The following CHODL variants were observed in gnomAD, a reference collection of about 807,000 sequenced individuals.
The protein encoded by CHODL is chondrolectin.
CHODL carries 29 observed loss-of-function variants against 34.5 expected under a neutral mutation model. That is an observed-to-expected ratio of 0.84 (90% CI 0.63 to 1.15). CHODL has a LOEUF of 1.15. Ranked by LOEUF, CHODL falls within the 50% of genes most tolerant of loss-of-function variation. The pLI is 0.00. For synonymous variants in CHODL, 125 were observed against 116.1 expected (o/e 1.08, Z -0.49); for missense variants, 332 against 332.5 (o/e 1.00, Z 0.01).
intron 1 of CHODL, among the ~76,000 whole-genome samples, chr21:17,917,984 A>T (rs1477842875): frequency 6.6e-6 from 1 of 152,092 alleles, no homozygotes; most frequent in Non-Finnish European, 1.5e-5. Context: ...ATGTGCTACT[A>T]TATGGGAAAT....
chr21:18,152,880 A>G (rs889529065), intron 2 of CHODL, among the ~76,000 whole-genome samples: 2 of 152,184 alleles, frequency 1.3e-5, no homozygotes, highest in African/African-American at 4.8e-5. Flanking sequence ...AAATCTTCTG[A>G]CAGAAGTTAA....
intron 1 of CHODL, among the ~76,000 whole-genome samples, chr21:17,921,492 G>A (rs2146309613): frequency 6.6e-6 from 1 of 152,302 alleles, no homozygotes; most frequent in South Asian, 2.1e-4. Flanking sequence ...TTTGCTACTT[G>A]GCAGGTGAGA....
At chr21:18,206,334 T>C (rs1450205233) in intron 2 of CHODL, among the ~76,000 whole-genome samples, 2 of 152,220 alleles carry the variant, frequency 1.3e-5, no homozygotes, top group Non-Finnish European at 2.9e-5. Flanking sequence ...GGTACATATA[T>C]ATTTACAATT....
At chr21:18,193,788 A>G (rs376441416) in intron 2 of CHODL, among the ~76,000 whole-genome samples, 10 of 152,144 alleles carry the variant, frequency 6.6e-5, no homozygotes, top group African/African-American at 2.4e-4. Context: ...TCCTCCAGCT[A>G]GTAAACTCAT....
intron 4 of CHODL, among the ~76,000 whole-genome samples, 194 bp from the exon 5 acceptor site, chr21:18,262,597 G>A (rs1163157781): frequency 1.3e-5 from 2 of 152,110 alleles, no homozygotes; most frequent in Admixed American, 6.5e-5. Flanking sequence ...GTGATGCATC[G>A]TTGACTGAAA....
intron 2 of CHODL, among the ~76,000 whole-genome samples, chr21:18,172,474 T>G (rs779440806): frequency 6.6e-6 from 1 of 152,208 alleles, no homozygotes; most frequent in African/African-American, 2.4e-5. Context: ...GTACACCTAT[T>G]TATTTTTTCA....
chr21:18,263,476 G>A (rs73206963), intron 5 of CHODL, among the ~76,000 whole-genome samples: 7,666 of 152,086 alleles, frequency 0.05, 270 homozygotes, highest in Non-Finnish European at 0.075. Flanking sequence ...AGATTTCTGG[G>A]GGAATATTAT....
At chr21:18,176,570 G>A (rs887577786) in intron 2 of CHODL, among the ~76,000 whole-genome samples, 1 of 152,148 alleles carries the variant, frequency 6.6e-6, no homozygotes, top group Non-Finnish European at 1.5e-5. Flanking sequence ...GAGTAGCGAA[G>A]TTTTGTTTGA....
chr21:18,156,288 GTTTTA>G (rs374910119), intron 2 of CHODL, among the ~76,000 whole-genome samples: 5 of 152,100 alleles, frequency 3.3e-5, no homozygotes, highest in African/African-American at 1.2e-4. Flanking sequence ...GGATTTAAAA[GTTTTA>G]TTTTATTTTT....
At chr21:17,979,042 C>T (rs570588414) in intron 1 of CHODL, among the ~76,000 whole-genome samples, 1 of 152,260 alleles carries the variant, frequency 6.6e-6, no homozygotes, top group Non-Finnish European at 1.5e-5. Flanking sequence ...AGAACATTCT[C>T]TGCGTTTAAG....
chr21:18,043,801 T>C (rs569769967), intron 2 of CHODL, among the ~76,000 whole-genome samples: 1 of 152,054 alleles, frequency 6.6e-6, no homozygotes, highest in South Asian at 2.1e-4. Flanking sequence ...GGACCCACAG[T>C]TCCACAGGGC....
intron 1 of CHODL, among the ~76,000 whole-genome samples, chr21:18,247,026 T>C (rs2074149677): frequency 1.3e-5 from 2 of 152,216 alleles, no homozygotes; most frequent in Admixed American, 1.3e-4. Context: ...AATTCAATTG[T>C]CTTTGGTCAT....
At chr21:18,074,452 C>A (rs1355872079) in intron 2 of CHODL, among the ~76,000 whole-genome samples, 1 of 152,012 alleles carries the variant, frequency 6.6e-6, no homozygotes, top group African/African-American at 2.4e-5. Context: ...CTTTTGAAGA[C>A]AAAGTAGTAA....
chr21:18,139,441 G>A (rs1053831155), intron 2 of CHODL, among the ~76,000 whole-genome samples: 1 of 151,416 alleles, frequency 6.6e-6, no homozygotes, highest in Non-Finnish European at 1.5e-5. Context: ...GGAGTTATGT[G>A]TTATAAAATT....
chr21:18,018,193 C>A (rs1245726935), intron 1 of CHODL, among the ~76,000 whole-genome samples: 2 of 152,110 alleles, frequency 1.3e-5, no homozygotes, highest in Non-Finnish European at 2.9e-5. Context: ...GGACTTTGAA[C>A]TTTTGGGTTA....
chr21:18,201,192 T>A (rs974603006), intron 2 of CHODL, among the ~76,000 whole-genome samples: 2 of 152,226 alleles, frequency 1.3e-5, no homozygotes, highest in African/African-American at 2.4e-5. Flanking sequence ...GCTGAGTTTA[T>A]TCCTTAACTA....
Position 18,262,875 on chromosome 21 carries a change from TC to T in CHODL, c.721del (p.Gln241ArgfsTer72). 1 of 1,601,670 alleles carries T rather than the reference TC, an allele frequency of 6.2e-7. No individual in the cohort carries two copies. Among genetic ancestry groups the T allele is most frequent in the Non-Finnish European group, 8.6e-7 (1 of 1,169,176 alleles). On this transcript the variant is annotated frameshift_variant, in exon 5 of 6. Transcript: ENST00000299295. LOFTEE classifies it high-confidence loss of function. ...LILVAFGTCC[F>X]QMLHKSKGRT... is the part of the protein sequence containing the mutation. The stretch of plus-strand genomic sequence containing the variant: ...CTGGTTGCTTTTGGAACCTGTTGTT[TC>T]CAGATGCTGCATAAAAGGTAAATAA...
intron 2 of CHODL, among the ~76,000 whole-genome samples, chr21:18,086,108 T>G (rs1434135265): frequency 6.7e-6 from 1 of 148,248 alleles, no homozygotes; most frequent in Admixed American, 6.8e-5. Flanking sequence ...CTTTAAGTTC[T>G]GAGATTATTT....
At chr21:18,246,073 C>G in intron 1 of CHODL, 1 of 775,588 alleles carries the variant, frequency 1.3e-6, no homozygotes, top group Non-Finnish European at 2.2e-6. Context: ...CTCTCACTGT[C>G]CTGTCGTTGA....
Sources: allele counts gnomAD v4.1 joint callset (sites outside exome capture counted in the v4.1 genomes callset), GRCh38; gene constraint gnomAD v4.1.1; transcripts MANE v1.5; gene names NCBI Gene and HGNC (gene_info 2026-07-23, HGNC 2026-07-21).